Variants in PRKDC observed in about 807,000 individuals in gnomAD.
PRKDC encodes the protein protein kinase, DNA-activated, catalytic subunit, also known as DNA-dependent protein kinase catalytic subunit.
In PRKDC, 82 loss-of-function variants were observed where a neutral mutation model predicts 486.9. That is an observed-to-expected ratio of 0.17 (90% CI 0.14 to 0.20). The LOEUF is 0.20. Ranked by LOEUF, PRKDC falls within the 10% of genes least tolerant of loss-of-function variation. The pLI, the probability that PRKDC is intolerant of heterozygous loss-of-function variation, is 1.00. For synonymous variants in PRKDC, 1,895 were observed against 1,837.0 expected, an observed-to-expected ratio of 1.03 and a Z score of -0.81; for missense variants, 4,504 against 5,038.2, an observed-to-expected ratio of 0.89 and a Z score of 3.21.
intron 40 of PRKDC, among the ~76,000 whole-genome samples, chr8:47,866,947 A>G (rs1026263333): frequency 6.6e-6 from 1 of 152,162 alleles, no homozygotes; most frequent in East Asian, 1.9e-4. Flanking sequence ...TACGTTGCTC[A>G]GGCTGGTCTC....
intron 21 of PRKDC, among the ~76,000 whole-genome samples, chr8:47,921,409 T>G (rs528287319): frequency 2.0e-4 from 30 of 152,328 alleles, no homozygotes; most frequent in African/African-American, 7.2e-4. Context: ...TTTGCAACCT[T>G]GGACTGACTG....
intron 29 of PRKDC, among the ~76,000 whole-genome samples, chr8:47,898,014 C>A (rs1258206245): frequency 6.6e-6 from 1 of 152,194 alleles, no homozygotes; most frequent in Non-Finnish European, 1.5e-5. Flanking sequence ...CTGGAAACCA[C>A]TGGCCAACAT....
rs796145832 is a variant in PRKDC at position 47,777,143 on chromosome 8, GCA to G, written c.12043-162_12043-161del. 5.0e-4 allele frequency among the ~76,000 whole-genome samples: 76 copies of G among 152,016 alleles called. 1 individual carries two copies. The highest frequency in any genetic ancestry group is 1.7e-3 in the African/African-American group (70 of 41,476). ...CAAAGCTGTTCATACAGACTCCATGGCACACACATCACGAGACGAGGGGCCTC... is the reference window on the plus strand; with the variant it reads ...CAAAGCTGTTCATACAGACTCCATGGCACACATCACGAGACGAGGGGCCTC... On this transcript the variant is annotated intron_variant, in intron 84 of 85. Transcript: ENST00000314191.
intron 7 of PRKDC, among the ~76,000 whole-genome samples, chr8:47,953,179 G>A (rs1021708216): frequency 6.6e-6 from 1 of 151,988 alleles, no homozygotes; most frequent in African/African-American, 2.4e-5. Flanking sequence ...GTGGTGGTGC[G>A]TGCCTATAGT....
At chr8:47,881,809 G>T in intron 37 of PRKDC, 103 bp downstream of exon 37, 1 of 1,040,352 alleles carries the variant, frequency 9.6e-7, no homozygotes, top group Non-Finnish European at 1.3e-6. Context: ...TTTCTTATTT[G>T]TCAAACCAAT....
At chr8:47,936,063 T>TA (rs529219780) in intron 12 of PRKDC, among the ~76,000 whole-genome samples, 163 bp from the exon 13 acceptor site, 34 of 148,438 alleles carry the variant, frequency 2.3e-4, no homozygotes, top group Admixed American at 6.7e-4. Context: ...GTGATTGCCT[T>TA]AAAAAAAAAA....
At chr8:47,844,211 C>T (rs1264760770) in intron 54 of PRKDC, among the ~76,000 whole-genome samples, 2 of 152,134 alleles carry the variant, frequency 1.3e-5, no homozygotes, top group African/African-American at 4.8e-5. Flanking sequence ...AGATCTATCA[C>T]AAAAACAGAA....
At chr8:47,811,822 A>G (rs1181470857) in intron 68 of PRKDC, among the ~76,000 whole-genome samples, 1 of 152,174 alleles carries the variant, frequency 6.6e-6, no homozygotes, top group Non-Finnish European at 1.5e-5. Context: ...ACTAAAAAAT[A>G]CAAAATTAGC....
chr8:47,861,798 C>T (rs942643796), intron 44 of PRKDC, among the ~76,000 whole-genome samples: 13 of 152,354 alleles, frequency 8.5e-5, no homozygotes, highest in African/African-American at 2.9e-4. Flanking sequence ...TAGAAAACAA[C>T]TTCTGGGATA....
intron 80 of PRKDC, among the ~76,000 whole-genome samples, chr8:47,779,790 A>G (rs1356846906): frequency 6.6e-6 from 1 of 151,776 alleles, no homozygotes; most frequent in African/African-American, 2.4e-5. Flanking sequence ...GGGTTTCACC[A>G]CGTTGGCCAG....
At chr8:47,784,058 A>G (rs1174907069) in intron 77 of PRKDC, 1 of 435,410 alleles carries the variant, frequency 2.3e-6, no homozygotes, top group Non-Finnish European at 4.2e-6. Context: ...GGAGACAGAG[A>G]CCATCCTGGC....
At position 47,803,472 on chromosome 8, in the gene PRKDC, G is replaced by A. The variant is rs759326394; in HGVS notation, c.9756C>T (p.Phe3252=). The change falls in exon 70 of 86, where the codon TTC becomes TTT. Residue 3252 remains phenylalanine (F), a synonymous_variant. Transcript: ENST00000314191. The part of the protein sequence containing the change: ...MIDSARKQNN[F]SLAMKLLKEL... ...CCTTCAGTAGTTTCATAGCAAGTGA[G>A]AAATTGTTCTGTATGAATACAATAA... is the stretch of plus-strand genomic sequence containing the variant. 6.2e-7 allele frequency: 1 copy of A among 1,613,858 alleles called. No homozygotes were observed. Among genetic ancestry groups the A allele is most frequent in the Non-Finnish European group, 8.5e-7 (1 of 1,179,774 alleles).
Position 47,849,317 on chromosome 8 carries a change from G to T in PRKDC, c.7131-14C>A. 6.2e-7 allele frequency: 1 copy of T among 1,613,968 alleles called. No individual in the cohort carries two copies. Among genetic ancestry groups the T allele is most frequent in the South Asian group, 1.1e-5 (1 of 91,070 alleles). ...GCATTCATGAACCTGGCGGGGAAGG[G>T]AACTGGTGAGAGGAGGGCCGAGGAC... On this transcript the variant is annotated splice_polypyrimidine_tract_variant and intron_variant, in intron 53 of 85. Transcript: ENST00000314191.
At chr8:47,786,047 A>C (rs534072920) in intron 76 of PRKDC, among the ~76,000 whole-genome samples, 1 of 151,926 alleles carries the variant, frequency 6.6e-6, no homozygotes, top group South Asian at 2.1e-4. Context: ...CGGAGGTTGC[A>C]GTGAGCCGAG....
chr8:47,875,667 C>G (rs1235881750), intron 40 of PRKDC, among the ~76,000 whole-genome samples: 2 of 152,152 alleles, frequency 1.3e-5, no homozygotes, highest in Non-Finnish European at 2.9e-5. Flanking sequence ...TTATTTCACC[C>G]AAGGGCTATT....
chr8:47,777,367 C>G (rs2154497288), intron 84 of PRKDC, among the ~76,000 whole-genome samples: 1 of 152,204 alleles, frequency 6.6e-6, no homozygotes, highest in Admixed American at 6.5e-5. Context: ...CGTTACCACG[C>G]CCAGCTAATT....
At chr8:47,953,947 G>T in intron 5 of PRKDC, 28 bp from the exon 6 acceptor site, 2 of 1,330,640 alleles carry the variant, frequency 1.5e-6, no homozygotes, top group South Asian at 1.4e-5. Context: ...GACAAGTGAA[G>T]GCCTCAAACT....
In PRKDC at chr8:47,782,554, G is replaced by T; in HGVS notation, c.11220C>A (p.Ile3740=). 1 of 1,572,336 alleles carries T rather than the reference G, an allele frequency of 6.4e-7. No homozygotes were observed. Among genetic ancestry groups the T allele is most frequent in the South Asian group, 1.2e-5 (1 of 85,466 alleles). Residue 3740 remains isoleucine, a synonymous_variant, in exon 79 of 86, where the codon ATC becomes ATA. Coordinates refer to ENST00000314191, the MANE Select transcript of PRKDC (RefSeq NM_006904.7). The surrounding 1 kb of genome is among the most constrained non-coding windows in gnomAD (Gnocchi z 4.9). ...ASLRRPKRII[I]RGHDEREHPF... ...GGTGTTCCCTCTCGTCATGGCCACGGATGATGATGCGCTTGGGCCTTCGCA... is the reference window on the plus strand; with the variant it reads ...GGTGTTCCCTCTCGTCATGGCCACGTATGATGATGCGCTTGGGCCTTCGCA...
rs371402579 is a variant in PRKDC at position 47,923,263 on chromosome 8, C to T, written c.2419+3931G>A. ...TCTTTTTAGTAGAGACACGGTTTCA[C>T]CATGTTTGCCAGGCTGGTCTCAAAC... On this transcript the variant is annotated intron_variant, in intron 21 of 85. Transcript: ENST00000314191. Among the ~76,000 whole-genome samples the T allele has an allele frequency of 1.8e-4, 28 of 152,038 alleles. 1 individual carries two copies. Among genetic ancestry groups the T allele is most frequent in the African/African-American group, 6.5e-4 (27 of 41,492 alleles).
Sources: allele counts gnomAD v4.1 joint callset (sites outside exome capture counted in the v4.1 genomes callset), GRCh38; gene constraint gnomAD v4.1.1; non-coding constraint Gnocchi (gnomAD v3.1); transcripts MANE v1.5; gene names NCBI Gene and HGNC (gene_info 2026-07-23, HGNC 2026-07-21).